The following CYREN variants were observed in gnomAD, a reference collection of about 807,000 sequenced individuals.
The protein encoded by CYREN is cell cycle regulator of non-homologous end joining.
Under a neutral mutation model 9.7 loss-of-function variants are expected in CYREN, and 7 were observed. The observed-to-expected ratio is 0.72, with a 90% confidence interval of 0.41 to 1.36. The LOEUF is 1.36. CYREN is among the 40% of genes most tolerant of loss of function. The pLI is 0.01. For synonymous variants in CYREN, 76 were observed against 77.9 expected, an observed-to-expected ratio of 0.98 and a Z score of 0.13; for missense variants, 215 against 198.1, an observed-to-expected ratio of 1.09 and a Z score of -0.51.
Position 135,126,994 on chromosome 7 carries a change from C to T in CYREN, n.357-32412G>A, listed in dbSNP as rs1229469547. ...CATGACAAAACACCAAAAGCAATTG[C>T]AACAGAAGCCAAAATTGACAAATGG... On this transcript the variant is annotated intron_variant and non_coding_transcript_variant, in intron 2 of 2. Transcript: ENST00000459937. Among the ~76,000 whole-genome samples the T allele has an allele frequency of 2.6e-5, 4 of 152,190 alleles. No individual in the cohort carries two copies. In the East Asian group the frequency reaches 7.7e-4, roughly 29 times the overall value.
At chr7:135,108,604 G>T (rs917853226) in intron 2 of CYREN, among the ~76,000 whole-genome samples, 21 of 152,130 alleles carry the variant, frequency 1.4e-4, no homozygotes, top group African/African-American at 5.1e-4. Flanking sequence ...TAGGTGACCT[G>T]CCCTTTCTCT....
chr7:135,154,766 T>A (rs1033053190), intron 2 of CYREN, among the ~76,000 whole-genome samples: 1 of 152,216 alleles, frequency 6.6e-6, no homozygotes, highest in Non-Finnish European at 1.5e-5. Flanking sequence ...TTTGTGGCCT[T>A]ACATGTGATC....
chr7:135,130,538 A>G (rs1224516154), intron 2 of CYREN, among the ~76,000 whole-genome samples: 6 of 132,412 alleles, frequency 4.5e-5, no homozygotes, highest in South Asian at 2.9e-4. Flanking sequence ...GACAGTCTTA[A>G]TATTAATTCC....
chr7:135,161,186 C>A (rs2117461453), downstream of CYREN, among the ~76,000 whole-genome samples: 1 of 152,290 alleles, frequency 6.6e-6, no homozygotes, highest in Admixed American at 6.5e-5. This position sits in a 1 kb window ranked among gnomAD's most constrained non-coding sequence, Gnocchi z 4.1. Context: ...TTTTGCTCTA[C>A]ATTAAAAGGT....
At chr7:135,163,920 G>C (rs1211897655), downstream of CYREN, among the ~76,000 whole-genome samples, 1 of 152,214 alleles carries the variant, frequency 6.6e-6, no homozygotes, top group Non-Finnish European at 1.5e-5. Context: ...GTTGAGCTCT[G>C]ATTGATCTGT....
Position 135,166,789 on chromosome 7 carries a change from G to C in CYREN, c.296C>G (p.Ser99Trp). The C allele has an allele frequency of 6.2e-7, 1 of 1,614,140 alleles. No individual in the cohort carries two copies. The highest frequency in any genetic ancestry group is 2.2e-5 in the East Asian group (1 of 44,880). Residue 99 changes from serine (S) to tryptophan (W), a missense_variant, in exon 4 of 4, where the codon TCG becomes TGG. Ser to Trp is a radical substitution (Grantham distance 177, BLOSUM62 -3). Transcript: ENST00000393114. ...NPEHSPPCSV[S>W]PHTSSGSSSE... is the part of the protein sequence containing the mutation. ...GCTGCTCCCAGAACTTGTGTGAGGC[G>C]ACACGGAGCAGGGAGGGGAGTGCTC...
chr7:135,171,052 C>G (rs1373848745), upstream of CYREN, among the ~76,000 whole-genome samples: 25 of 152,182 alleles, frequency 1.6e-4, no homozygotes. Context: ...AGGCGAAGCT[C>G]CCTGCTGGGC....
chr7:135,126,212 A>C (rs1410562289), intron 2 of CYREN, among the ~76,000 whole-genome samples: 1 of 152,254 alleles, frequency 6.6e-6, no homozygotes, highest in Admixed American at 6.5e-5. Flanking sequence ...ATACAGAATC[A>C]ATGTGCAAAA....
At chr7:135,162,948 T>A (rs1829983771), downstream of CYREN, among the ~76,000 whole-genome samples, 1 of 152,198 alleles carries the variant, frequency 6.6e-6, no homozygotes, top group South Asian at 2.1e-4. Flanking sequence ...GATTAGCAAA[T>A]TTTCTGTAGG....
intron 3 of CYREN, 52 bp downstream of exon 3, chr7:135,167,680 C>T (rs292505): frequency 0.99 from 1,592,932 of 1,609,536 alleles, 789,177 homozygotes; most frequent in Non-Finnish European, 1. Context: ...AGGGTCTAGC[C>T]TCTGCCCATG....
At chr7:135,124,121 C>A (rs1827522312) in intron 2 of CYREN, among the ~76,000 whole-genome samples, 1 of 151,962 alleles carries the variant, frequency 6.6e-6, no homozygotes, top group Non-Finnish European at 1.5e-5. Flanking sequence ...GAGTCAAGTC[C>A]CATTGGTGTG....
chr7:135,107,487 G>T (rs943101508), intron 2 of CYREN, among the ~76,000 whole-genome samples: 1 of 152,164 alleles, frequency 6.6e-6, no homozygotes, highest in Non-Finnish European at 1.5e-5. Flanking sequence ...AAGTCATTCA[G>T]GAGCATGTTG....
Position 135,166,364 on chromosome 7 carries a change from G to C in CYREN, c.*247C>G, listed in dbSNP as rs572168975. 6.2e-6 allele frequency: 3 copies of C among 483,396 alleles called. No homozygotes were observed. Among genetic ancestry groups the C allele is most frequent in the South Asian group, 7.0e-5 (2 of 28,410 alleles). The allele number at this position is 483,396 out of a possible 1,614,324, so 29.9% of individuals were successfully genotyped here. ...GCCTCAAGAGCCAGGAGAGGGCACA[G>C]TACATACAGAGGGAGTCAAATGGGA... On this transcript the variant is annotated 3_prime_UTR_variant, in exon 4 of 4. Transcript: ENST00000393114.
downstream of CYREN, chr7:135,165,252 A>C: frequency 2.4e-6 from 1 of 423,168 alleles, no homozygotes; most frequent in Non-Finnish European, 4.4e-6. Flanking sequence ...CATGCAGCTC[A>C]TTGTCACACC....
At chr7:135,099,941 G>C (rs1585109759) in intron 2 of CYREN, 1 of 125,608 alleles carries the variant, frequency 8.0e-6, no homozygotes, top group East Asian at 2.5e-4. Context: ...AGGCTGGAGT[G>C]CAGTGGCATG....
At chr7:135,165,014 G>A (rs375469494), downstream of CYREN, 1 of 1,558,780 alleles carries the variant, frequency 6.4e-7, no homozygotes, top group Non-Finnish European at 8.7e-7. Flanking sequence ...TTACGTGATT[G>A]CAAGGGTTCA....
chr7:135,154,659 A>G lies in CYREN; in HGVS notation n.356+14090T>C, dbSNP rs558234943. On this transcript the variant is annotated intron_variant and non_coding_transcript_variant, in intron 2 of 2. Transcript: ENST00000459937. ...AATTTCCATTATCTGTATAGTTTCC[A>G]AAGTTCCTCTTGGTATTGATTTCTA... 1.5e-4 allele frequency among the ~76,000 whole-genome samples: 23 copies of G among 152,326 alleles called. No individual in the cohort carries two copies. The South Asian group carries it at 4.8e-3, about 32-fold the overall frequency.
intron 2 of CYREN, among the ~76,000 whole-genome samples, chr7:135,154,530 C>A (rs1049523799): frequency 1.3e-5 from 2 of 152,112 alleles, no homozygotes; most frequent in African/African-American, 4.8e-5. Flanking sequence ...TTTGCTGTAA[C>A]CTGCAGGATT....
rs184070965 is a variant in CYREN, at chr7:135,153,616, G to A, written n.356+15133C>T. 3.3e-5 allele frequency among the ~76,000 whole-genome samples: 5 copies of A among 152,224 alleles called. No homozygotes were observed. In the East Asian group the frequency reaches 7.7e-4, roughly 23 times the overall value. ...ATTTCTCAAAGAACTGAAAAACCAC[G>A]CAATCCAGCAACCTGGGGTATCATA... On this transcript the variant is annotated intron_variant and non_coding_transcript_variant, in intron 2 of 2. Transcript: ENST00000459937.
Sources: gnomAD v4.1 joint callset for allele counts (sites outside exome capture counted in the v4.1 genomes callset) on GRCh38, gnomAD v4.1.1 for gene constraint, Gnocchi (gnomAD v3.1) non-coding constraint, MANE v1.5 for transcripts, NCBI Gene and HGNC (gene_info 2026-07-23, HGNC 2026-07-21) for gene names.